The following EXD3 variants were observed in gnomAD, a reference collection of about 807,000 sequenced individuals.
EXD3 encodes exonuclease 3'-5' domain containing 3, also known as exonuclease mut-7 homolog.
A neutral mutation model predicts 98.0 loss-of-function variants in EXD3; 92 were observed. That is an observed-to-expected ratio of 0.94 (90% confidence interval 0.79 to 1.12). The LOEUF is 1.12. EXD3 is among the 50% of genes most tolerant of loss of function. The pLI is 0.00. For missense variants in EXD3, 1,222 were observed against 1,191.6 expected (o/e 1.03, Z -0.38); for synonymous variants, 569 against 526.0 (o/e 1.08, Z -1.12).
chr9:137,386,387 C>T (rs770649538), intron 2 of EXD3, among the ~76,000 whole-genome samples: 3 of 152,038 alleles, frequency 2.0e-5, no homozygotes, highest in Non-Finnish European at 2.9e-5. Flanking sequence ...TTGGTGATGC[C>T]GGCCCTCCTA....
chr9:137,412,331 G>A (rs1838042168), intron 1 of EXD3, among the ~76,000 whole-genome samples: 1 of 152,234 alleles, frequency 6.6e-6, no homozygotes, highest in Non-Finnish European at 1.5e-5. Flanking sequence ...CTCTGTGACA[G>A]CTTTTTATAT....
intron 5 of EXD3, among the ~76,000 whole-genome samples, chr9:137,368,934 G>C (rs1214371361): frequency 2.0e-5 from 3 of 147,904 alleles, no homozygotes; most frequent in Non-Finnish European, 4.5e-5. Flanking sequence ...GGCCCGGGAA[G>C]GGAGTCTCAG....
intron 20 of EXD3, among the ~76,000 whole-genome samples, chr9:137,309,281 G>A (rs1831234250): frequency 1.3e-5 from 2 of 152,190 alleles, no homozygotes; most frequent in South Asian, 4.1e-4. Context: ...GCACGTGTGT[G>A]TGTGTCTGTG....
chr9:137,414,524 A>G (rs1838148235), intron 1 of EXD3, among the ~76,000 whole-genome samples: 1 of 151,846 alleles, frequency 6.6e-6, no homozygotes, highest in South Asian at 2.1e-4. Context: ...CTTTTTGAGG[A>G]ACTACCAGAC....
At chr9:137,356,232 T>C (rs1588340052) in intron 8 of EXD3, 36 bp downstream of exon 8, 1 of 1,507,582 alleles carries the variant, frequency 6.6e-7, no homozygotes, top group Non-Finnish European at 9.0e-7. Flanking sequence ...CGGCTCTCCC[T>C]GGCCTGTGGG....
At chr9:137,353,766 G>C in intron 10 of EXD3, 1 of 985,738 alleles carries the variant, frequency 1.0e-6, no homozygotes, top group Non-Finnish European at 1.2e-6. Context: ...GGCGGGAAGG[G>C]AGGGGACCTG....
At chr9:137,399,967 T>A (rs1837402255) in intron 1 of EXD3, among the ~76,000 whole-genome samples, 2 of 148,816 alleles carry the variant, frequency 1.3e-5, no homozygotes, top group Non-Finnish European at 1.5e-5. Context: ...GGAACAGGGG[T>A]TGCAGTGAGC....
chr9:137,353,657 C>A lies in EXD3; in HGVS notation c.870+682G>T, dbSNP rs953607878. Reference sequence around the variant, plus strand: ...AGAGGCACCTACAGGCCTGCGGGACCCTCAGCCCCCGCTGGGAAATGCAGG... The same window carrying A: ...AGAGGCACCTACAGGCCTGCGGGACACTCAGCCCCCGCTGGGAAATGCAGG... On this transcript the variant is annotated intron_variant, in intron 10 of 21. Transcript: ENST00000340951. 95 of 985,636 alleles carry A rather than the reference C, an allele frequency of 9.6e-5. No individual in the cohort carries two copies. The African/African-American group carries it at 1.6e-3, about 16-fold the overall frequency. 61.1% of individuals were successfully genotyped at this position (985,636 alleles called of 1,614,324 possible).
chr9:137,336,057 T>G (rs1161020639), intron 17 of EXD3, among the ~76,000 whole-genome samples: 6 of 152,332 alleles, frequency 3.9e-5, no homozygotes, highest in Non-Finnish European at 7.3e-5. Flanking sequence ...AAATACTGCA[T>G]GTTCTCACTT....
chr9:137,329,570 C>T (rs1832829372), intron 17 of EXD3, among the ~76,000 whole-genome samples: 1 of 42,106 alleles, frequency 2.4e-5, no homozygotes, highest in African/African-American at 1.3e-4. Context: ...CACGGGACTA[C>T]ACGGGGCTAC....
Position 137,407,825 on chromosome 9 carries a change from CGCGGGAG to C in EXD3, c.-47-12428_-47-12422del, listed in dbSNP as rs143080547. On this transcript the variant is annotated intron_variant, in intron 1 of 21. Coordinates refer to ENST00000340951, the MANE Select transcript of EXD3 (RefSeq NM_017820.5). The surrounding 1 kb of genome is among the most constrained non-coding windows in gnomAD (Gnocchi z 4.4). Reference sequence around the variant, plus strand: ...TGCGCCGGCTGGACCCAAGGACACACGCGGGAGGCGGGAGGCGGGAGGGGCACAGCAA... The same window carrying C: ...TGCGCCGGCTGGACCCAAGGACACACGCGGGAGGCGGGAGGGGCACAGCAA... Among the ~76,000 whole-genome samples, 48 of 150,208 alleles carry C rather than the reference CGCGGGAG, an allele frequency of 3.2e-4. No homozygotes were observed. The highest frequency in any genetic ancestry group is 6.0e-4 in the East Asian group (3 of 5,012).
intron 17 of EXD3, among the ~76,000 whole-genome samples, chr9:137,328,485 A>ACTAATATACACTCATATGATG (rs1336695260): frequency 2.0e-5 from 3 of 151,746 alleles, no homozygotes; most frequent in African/African-American, 4.8e-5. Flanking sequence ...AGTAAAAACA[A>ACTAATATACACTCATATGATG]AAGTAAAAAC....
intron 5 of EXD3, among the ~76,000 whole-genome samples, chr9:137,369,061 C>G (rs557188566): frequency 3.4e-5 from 3 of 87,386 alleles, no homozygotes; most frequent in South Asian, 4.3e-4. Flanking sequence ...ACGCAGGACC[C>G]GGGGAGGGGG....
At position 137,363,335 on chromosome 9, in the gene EXD3, C is replaced by CT. The variant is rs71387828; in HGVS notation, c.656+3157dup. On this transcript the variant is annotated intron_variant, in intron 7 of 21. Coordinates refer to ENST00000340951, the MANE Select transcript of EXD3 (RefSeq NM_017820.5). ...GTTCATACAGGATTGGTGCAATTTC[C>CT]TTTTTTTTTTTTTTTTTTTTGGGAC... Among the ~76,000 whole-genome samples the CT allele has an allele frequency of 2.2e-3, 182 of 81,154 alleles. 2 individuals are homozygous for CT. The highest frequency in any genetic ancestry group is 4.1e-3 in the African/African-American group (78 of 19,024). 53.2% of individuals were successfully genotyped at this position (81,154 alleles called of 152,430 possible). A position where few individuals can be genotyped will look rare whatever the true frequency, so the allele number is the denominator to read the frequency against.
chr9:137,409,098 C>CGG (rs1382027532), intron 1 of EXD3, among the ~76,000 whole-genome samples: 1 of 152,198 alleles, frequency 6.6e-6, no homozygotes, highest in African/African-American at 2.4e-5. Context: ...GGGACGTGCC[C>CGG]GGGGGGTGAG....
chr9:137,343,636 T>A (rs1213183184), intron 17 of EXD3: 2 of 117,994 alleles, frequency 1.7e-5, no homozygotes, highest in East Asian at 5.7e-4. Flanking sequence ...TTACCCAGGC[T>A]GGAGTGCAGT....
At chr9:137,357,382 G>A (rs2119265367) in intron 7 of EXD3, 1 of 152,152 alleles carries the variant, frequency 6.6e-6, no homozygotes, top group Middle Eastern at 3.4e-3. Context: ...TTTGTATGTT[G>A]GACCTTCTTG....
intron 1 of EXD3, among the ~76,000 whole-genome samples, chr9:137,396,950 T>G (rs1312781328): frequency 6.6e-6 from 1 of 152,186 alleles, no homozygotes; most frequent in Non-Finnish European, 1.5e-5. Context: ...GAGCCTGGGC[T>G]GGGCACAGTG....
intron 1 of EXD3, among the ~76,000 whole-genome samples, chr9:137,398,364 C>G (rs1837310536): frequency 6.6e-6 from 1 of 152,186 alleles, no homozygotes; most frequent in Admixed American, 6.5e-5. Context: ...TCACCCTGGA[C>G]CCCCTTCCCT....
Sources: allele counts gnomAD v4.1 joint callset (sites outside exome capture counted in the v4.1 genomes callset), GRCh38; gene constraint gnomAD v4.1.1; non-coding constraint Gnocchi (gnomAD v3.1); transcripts MANE v1.5; gene names NCBI Gene and HGNC (gene_info 2026-07-23, HGNC 2026-07-21).